Variants in MCM3AP observed in about 807,000 individuals in gnomAD.
MCM3AP encodes the protein minichromosome maintenance complex component 3 associated protein.
A neutral mutation model predicts 184.1 loss-of-function variants in MCM3AP; 126 were observed. The observed-to-expected ratio is 0.68, with a 90% CI of 0.59 to 0.79. The LOEUF is 0.79. MCM3AP is among the 30% of genes least tolerant of loss of function. The probability of loss-of-function intolerance (pLI) is 0.00; values close to 1 mark genes in which losing one functional copy is unlikely to be tolerated. For synonymous variants in MCM3AP, 1,002 were observed against 979.3 expected, an observed-to-expected ratio of 1.02 and a Z score of -0.43; for missense variants, 2,496 against 2,479.2, an observed-to-expected ratio of 1.01 and a Z score of -0.14.
At chr21:46,236,105 G>A (rs1446936877) in intron 27 of MCM3AP, 1 of 152,218 alleles carries the variant, frequency 6.6e-6, no homozygotes. Context: ...TATCTGGTAG[G>A]TCAGAATTCT....
rs757550397 is a variant in MCM3AP, at chr21:46,245,233, C to T, written c.4648-36G>A. ...AGAAGAGACTTGGTTGAACAATTCACACTGTTTTTCAAAAACAGCTTTCTG... is the reference window on the plus strand; with the variant it reads ...AGAAGAGACTTGGTTGAACAATTCATACTGTTTTTCAAAAACAGCTTTCTG... On this transcript the variant is annotated intron_variant, in intron 22 of 27. Coordinates refer to ENST00000291688, the MANE Select transcript of MCM3AP (RefSeq NM_003906.5). 4.5e-6 allele frequency: 7 copies of T among 1,561,100 alleles called. No individual in the cohort carries two copies. In the East Asian group the frequency reaches 1.6e-4, roughly 35 times the overall value.
At chr21:46,246,465 A>C (rs2080771532) in intron 21 of MCM3AP, 61 bp from the exon 22 acceptor site, 1 of 1,356,944 alleles carries the variant, frequency 7.4e-7, no homozygotes, top group Non-Finnish European at 1.1e-6. Context: ...CTGCTAACAT[A>C]TCTCACTGTG....
intron 2 of MCM3AP, among the ~76,000 whole-genome samples, chr21:46,281,305 G>A (rs1417964476): frequency 6.6e-6 from 1 of 152,044 alleles, no homozygotes; most frequent in South Asian, 2.1e-4. Context: ...AACCAACCAC[G>A]TTAGTCTCCG....
Position 46,259,227 on chromosome 21 carries a change from G to A in MCM3AP, c.3582-136C>T, listed in dbSNP as rs528449836. ...TCCCAGCACTTTGGAAGGCCGAAGCGGGTGGATCATGAGGTCAAGAGATCC... is the reference window on the plus strand; with the variant it reads ...TCCCAGCACTTTGGAAGGCCGAAGCAGGTGGATCATGAGGTCAAGAGATCC... On this transcript the variant is annotated intron_variant, in intron 15 of 27. Coordinates refer to ENST00000291688, the MANE Select transcript of MCM3AP (RefSeq NM_003906.5). 152 of 749,380 alleles carry A rather than the reference G, an allele frequency of 2.0e-4. No individual in the cohort carries two copies. The African/African-American group carries it at 2.1e-3, about 10-fold the overall frequency. 46.4% of individuals were successfully genotyped at this position (749,380 alleles called of 1,614,324 possible). A position where few individuals can be genotyped will look rare whatever the true frequency, so the allele number is the denominator to read the frequency against.
chr21:46,258,949 A>G lies in MCM3AP; in HGVS notation c.3724T>C (p.Tyr1242His). The stretch of plus-strand genomic sequence containing the variant: ...GAACACAGGACTCACCGCTGTAGAT[A>G]CTTGCAGAAGCACTGAAGCTCCTGG... ...TLQELQCFCKYLQRWREAVTA... is the reference protein window; with the variant it reads ...TLQELQCFCKHLQRWREAVTA... Residue 1242 changes from tyrosine to histidine, a missense_variant, in exon 16 of 28, where the codon TAT (tyrosine) becomes CAT (histidine). By Grantham distance (83) the Tyr-to-His change is moderately conservative (BLOSUM62 2). Transcript: ENST00000291688. 6.2e-7 allele frequency: 1 copy of G among 1,614,138 alleles called. No homozygotes were observed. The highest frequency in any genetic ancestry group is 8.5e-7 in the Non-Finnish European group (1 of 1,180,016).
At position 46,280,578 on chromosome 21, in the gene MCM3AP, G is replaced by A; in HGVS notation, c.1444-3C>T. On this transcript the variant is annotated splice_region_variant and splice_polypyrimidine_tract_variant and intron_variant, in intron 2 of 27. Transcript: ENST00000291688. Reference sequence around the variant, plus strand: ...TTTCTAGCCAGGGCTGCAGATGCCTGGAAAACAGTCCACAACCGCCATGTG... The same window carrying A: ...TTTCTAGCCAGGGCTGCAGATGCCTAGAAAACAGTCCACAACCGCCATGTG... The A allele has an allele frequency of 1.2e-5, 19 of 1,607,270 alleles. No individual in the cohort carries two copies. Among genetic ancestry groups the A allele is most frequent in the Non-Finnish European group, 1.6e-5 (19 of 1,174,742 alleles).
intron 27 of MCM3AP, among the ~76,000 whole-genome samples, chr21:46,235,704 C>T (rs1294751266): frequency 6.6e-6 from 1 of 152,160 alleles, no homozygotes; most frequent in Non-Finnish European, 1.5e-5. Flanking sequence ...GTGGTATGAT[C>T]GGAGCTTACT....
chr21:46,245,083 A>G lies in MCM3AP; in HGVS notation c.4762T>C (p.Phe1588Leu). ...DGIGHEFSGR[F>L]FHDRRERRLG... ...CGCCTCTCTCTTCTGTCATGGAAAA[A>G]GCGGCCACTAAACTCATGGCCAATC... Residue 1588 changes from phenylalanine to leucine, a missense_variant, in exon 23 of 28, where the codon TTT becomes CTT. Physicochemically the swap from Phe to Leu is conservative, Grantham distance 22. This residue lies in a region of MCM3AP where 1,323 missense variants were observed against 1,273.4 expected (regional missense o/e 1.04). Transcript: ENST00000291688. The G allele has an allele frequency of 6.2e-7, 1 of 1,614,242 alleles. No homozygotes were observed. The highest frequency in any genetic ancestry group is 8.5e-7 in the Non-Finnish European group (1 of 1,180,044).
At chr21:46,254,185 A>C (rs2080913176) in intron 19 of MCM3AP, 1 of 610,008 alleles carries the variant, frequency 1.6e-6, no homozygotes, top group Non-Finnish European at 2.9e-6. Flanking sequence ...CTAATACACC[A>C]AGTTTATGGA....
chr21:46,283,461 T>G (rs1401910238), intron 2 of MCM3AP, among the ~76,000 whole-genome samples, 154 bp downstream of exon 2: 2 of 151,652 alleles, frequency 1.3e-5, no homozygotes, highest in African/African-American at 4.9e-5. Flanking sequence ...AGTTATGAAA[T>G]AAATAGTGCT....
At chr21:46,254,914 G>A in intron 17 of MCM3AP, 70 bp from the exon 18 acceptor site, 4 of 1,129,356 alleles carry the variant, frequency 3.5e-6, no homozygotes, top group Non-Finnish European at 5.4e-6. Context: ...GTGTCCCCTG[G>A]GGAATACTCA....
chr21:46,280,188 A>G (rs2081314230), intron 3 of MCM3AP, 51 bp from the exon 4 acceptor site: 2 of 1,584,792 alleles, frequency 1.3e-6, no homozygotes, highest in Admixed American at 3.5e-5. Context: ...GATCACCTGG[A>G]ACTGGATTTT....
chr21:46,244,803 G>A lies in MCM3AP; in HGVS notation c.5038+4C>T, dbSNP rs760383113. 1.1e-5 allele frequency: 17 copies of A among 1,606,360 alleles called. No individual in the cohort carries two copies. The highest frequency in any genetic ancestry group is 3.3e-5 in the South Asian group (3 of 90,066). On this transcript the variant is annotated splice_donor_region_variant and intron_variant, in intron 23 of 27. Transcript: ENST00000291688. ...CACCAGACCTCCCCAGGTCAAGCAC[G>A]TACCCCCCAGGGGTGGAAGGTCCAT...
At chr21:46,261,534 A>C in intron 13 of MCM3AP, 123 bp from the exon 14 acceptor site, 1 of 839,950 alleles carries the variant, frequency 1.2e-6, no homozygotes, top group South Asian at 1.5e-5. Context: ...GAAGATCAAG[A>C]CCATTCTGGC....
chr21:46,257,597 A>G (rs2080976246), intron 16 of MCM3AP, among the ~76,000 whole-genome samples: 1 of 151,804 alleles, frequency 6.6e-6, no homozygotes, highest in Admixed American at 6.6e-5. Flanking sequence ...CTGTACAACA[A>G]CAGTCACTGC....
At chr21:46,243,748 A>C in intron 23 of MCM3AP, 26 bp from the exon 24 acceptor site, 7 of 1,610,472 alleles carry the variant, frequency 4.3e-6, no homozygotes, top group Non-Finnish European at 5.9e-6. Flanking sequence ...CTCATTAGTT[A>C]CAGGTTTGGC....
intron 5 of MCM3AP, 90 bp from the exon 6 acceptor site, chr21:46,275,415 A>C (rs2081243482): frequency 9.2e-7 from 1 of 1,087,542 alleles, no homozygotes; most frequent in Non-Finnish European, 1.3e-6. Flanking sequence ...AAAGAAATTA[A>C]AACTTAAAAC....
intron 17 of MCM3AP, chr21:46,256,437 G>A (rs1400875078): frequency 6.7e-6 from 2 of 300,330 alleles, no homozygotes; most frequent in Non-Finnish European, 1.3e-5. Flanking sequence ...GAAGACACAG[G>A]CCAGCGTGGA....
intron 4 of MCM3AP, among the ~76,000 whole-genome samples, chr21:46,279,330 T>C (rs1223399341): frequency 1.3e-5 from 2 of 152,202 alleles, no homozygotes; most frequent in African/African-American, 4.8e-5. Context: ...GTTAAATGTC[T>C]TGAGGTAAAA....
Sources: allele counts gnomAD v4.1 joint callset (sites outside exome capture counted in the v4.1 genomes callset), GRCh38; gene constraint gnomAD v4.1.1; regional missense constraint gnomAD v4.1.1; transcripts MANE v1.5; gene names NCBI Gene and HGNC (gene_info 2026-07-23, HGNC 2026-07-21).